The following MYO1F variants were observed in gnomAD, a reference collection of about 807,000 sequenced individuals.
MYO1F encodes myosin IF.
A neutral mutation model predicts 146.6 loss-of-function variants in MYO1F; 60 were observed. The observed-to-expected ratio is 0.41, with a 90% CI of 0.33 to 0.51. MYO1F has a LOEUF of 0.51. Among genes scored for constraint, MYO1F ranks in the 20% least tolerant of loss-of-function variants. The probability of loss-of-function intolerance (pLI) is 0.25; values close to 1 mark genes in which losing one functional copy is unlikely to be tolerated. For missense variants in MYO1F, 1,274 were observed against 1,534.3 expected, an observed-to-expected ratio of 0.83 and a Z score of 2.83; for synonymous variants, 602 against 602.1, an observed-to-expected ratio of 1.00 and a Z score of 0.00.
At chr19:8,526,748 G>T (rs371493415) in intron 23 of MYO1F, 41 bp downstream of exon 23, 451 of 1,573,310 alleles carry the variant, frequency 2.9e-4, no homozygotes, top group Non-Finnish European at 3.7e-4. Flanking sequence ...GCGCCGCGCC[G>T]AGACCACCCC....
At chr19:8,576,173 T>C (rs547082756) in intron 1 of MYO1F, among the ~76,000 whole-genome samples, 323 of 152,188 alleles carry the variant, frequency 2.1e-3, no homozygotes, top group Non-Finnish European at 3.9e-3. Flanking sequence ...ATTTTTTGTA[T>C]TTTTTAGTAG....
intron 1 of MYO1F, among the ~76,000 whole-genome samples, chr19:8,562,191 C>G (rs572832100): frequency 6.7e-6 from 1 of 148,870 alleles, no homozygotes; most frequent in African/African-American, 2.6e-5. Flanking sequence ...TTAGTGGAGA[C>G]GAGGTTTCAC....
At chr19:8,522,575 C>G in intron 26 of MYO1F, 29 bp from the exon 27 acceptor site, 1 of 1,607,852 alleles carries the variant, frequency 6.2e-7, no homozygotes, top group Non-Finnish European at 8.5e-7. Flanking sequence ...TGAGTCACAG[C>G]CCCAGACACT....
At chr19:8,576,528 C>T (rs1345420904) in intron 1 of MYO1F, 2 of 153,586 alleles carry the variant, frequency 1.3e-5, no homozygotes, top group African/African-American at 4.8e-5. Flanking sequence ...CCACCTCTTA[C>T]TTTGCGTCTT....
chr19:8,559,675 C>T lies in MYO1F; in HGVS notation c.4-3879G>A, dbSNP rs533079893. 3.5e-4 allele frequency among the ~76,000 whole-genome samples: 54 copies of T among 152,124 alleles called. No individual in the cohort carries two copies. In the South Asian group the frequency reaches 1.0e-2, roughly 28 times the overall value. On this transcript the variant is annotated intron_variant, in intron 1 of 27. Coordinates refer to ENST00000644032, the MANE Select transcript of MYO1F (RefSeq NM_012335.4). The stretch of plus-strand genomic sequence containing the variant: ...ATTTGAAAGAATTAACACGACCGGG[C>T]GCGGTGGCTCACACCTGCAATCCCA...
chr19:8,548,202 A>T (rs1973452398), intron 11 of MYO1F, 35 bp downstream of exon 11: 1 of 1,612,456 alleles, frequency 6.2e-7, no homozygotes, highest in African/African-American at 1.3e-5. Context: ...TGCCCCAGGG[A>T]GGACAGGATG....
chr19:8,554,352 G>T, intron 4 of MYO1F, 125 bp downstream of exon 4: 1 of 819,128 alleles, frequency 1.2e-6, no homozygotes. Context: ...AAAACAGAGT[G>T]AGGGCAGAGA....
Position 8,530,689 on chromosome 19 carries a change from A to G in MYO1F, c.2044-116T>C. On this transcript the variant is annotated intron_variant, in intron 19 of 27. Coordinates refer to ENST00000644032, the MANE Select transcript of MYO1F (RefSeq NM_012335.4). The surrounding 1 kb of genome is among the most constrained non-coding windows in gnomAD (Gnocchi z 5.8). ...CGCTTTTGCTCACCCATCCCCACACATGTGCTAATTTTTTTAAGAGGCGGG... is the reference window on the plus strand; with the variant it reads ...CGCTTTTGCTCACCCATCCCCACACGTGTGCTAATTTTTTTAAGAGGCGGG... 1.2e-6 allele frequency: 1 copy of G among 809,802 alleles called. No individual in the cohort carries two copies. Among genetic ancestry groups the G allele is most frequent in the South Asian group, 1.4e-5 (1 of 71,160 alleles). The allele number at this position is 809,802 out of a possible 1,614,324, so 50.2% of individuals were successfully genotyped here.
In MYO1F at chr19:8,532,843, G is replaced by A. The variant is rs1465188344; in HGVS notation, c.2044-2270C>T. Among the ~76,000 whole-genome samples, 12 of 149,616 alleles carry A rather than the reference G, an allele frequency of 8.0e-5. 1 individual carries two copies. The highest frequency in any genetic ancestry group is 6.7e-4 in the Admixed American group (10 of 14,838). ...GTTGAGGCTGCAGTGAGCTGTGATT[G>A]TGCGACTGCACTCCAGCCTGGGAGA... On this transcript the variant is annotated intron_variant, in intron 19 of 27. Coordinates refer to ENST00000644032, the MANE Select transcript of MYO1F (RefSeq NM_012335.4).
chr19:8,553,996 G>A lies in MYO1F; in HGVS notation c.326+481C>T, dbSNP rs548385465. On this transcript the variant is annotated intron_variant, in intron 4 of 27. Transcript: ENST00000644032. ...GACTGAGATGGGGTCTCACTCTGTT[G>A]CCCAGGCTGGAGTGCAGTGGTGTGA... is the stretch of plus-strand genomic sequence containing the variant. Among the ~76,000 whole-genome samples the A allele has an allele frequency of 4.0e-5, 6 of 151,484 alleles. No homozygotes were observed. In the East Asian group the frequency reaches 5.9e-4, roughly 15 times the overall value.
intron 12 of MYO1F, 133 bp downstream of exon 12, chr19:8,547,903 G>C (rs1973435062): frequency 2.5e-6 from 2 of 796,902 alleles, no homozygotes; most frequent in African/African-American, 3.4e-5. Flanking sequence ...ATGGAGCCTG[G>C]GTAGGTTGGC....
intron 1 of MYO1F, among the ~76,000 whole-genome samples, chr19:8,556,069 G>A (rs1162937924): frequency 2.0e-5 from 3 of 151,220 alleles, no homozygotes; most frequent in Non-Finnish European, 4.4e-5. Context: ...CACTCTGTCA[G>A]TCAGGCTGGG....
chr19:8,555,376 C>CAAA lies in MYO1F; in HGVS notation c.141+280_141+282dup, dbSNP rs886749061. 360 of 100,196 alleles carry CAAA rather than the reference C, an allele frequency of 3.6e-3. 1 individual carries two copies. The highest frequency in any genetic ancestry group is 4.6e-3 in the South Asian group (70 of 15,252). The allele number at this position is 100,196 out of a possible 1,614,324, so 6.2% of individuals were successfully genotyped here. A position where few individuals can be genotyped will look rare whatever the true frequency, so the allele number is the denominator to read the frequency against. Reference sequence around the variant, plus strand: ...TGGGCGACAGAGCAAGACTCCGTCTCAAAAAAAAAAAAAAAAAAAAAAAAA... The same window carrying CAAA: ...TGGGCGACAGAGCAAGACTCCGTCTCAAAAAAAAAAAAAAAAAAAAAAAAAAAA... On this transcript the variant is annotated intron_variant, in intron 2 of 27. Coordinates refer to ENST00000644032, the MANE Select transcript of MYO1F (RefSeq NM_012335.4).
chr19:8,555,794 GC>G lies in MYO1F; in HGVS notation c.5del (p.Gly2AlafsTer13), dbSNP rs778747696. 6.2e-7 allele frequency: 1 copy of G among 1,611,912 alleles called. No homozygotes were observed. Among genetic ancestry groups the G allele is most frequent in the Non-Finnish European group, 8.5e-7 (1 of 1,179,174 alleles). On this transcript the variant is annotated frameshift_variant and splice_region_variant, in exon 2 of 28. Coordinates refer to ENST00000644032, the MANE Select transcript of MYO1F (RefSeq NM_012335.4). LOFTEE classifies it high-confidence loss of function. M[G>X]SKERFHWQSH... is the part of the protein sequence containing the mutation. ...TCTGCCAGTGGAAGCGCTCCTTGCT[GC>G]CCTGGGGGGTGAGAGGGGGGTCGGG...
At chr19:8,538,487 G>A (rs1972823233) in intron 16 of MYO1F, among the ~76,000 whole-genome samples, 1 of 151,564 alleles carries the variant, frequency 6.6e-6, no homozygotes, top group Non-Finnish European at 1.5e-5. Context: ...TCACCATGTT[G>A]GCCAGGCTGG....
At chr19:8,529,142 G>A (rs935058429) in intron 21 of MYO1F, among the ~76,000 whole-genome samples, 15 of 152,098 alleles carry the variant, frequency 9.9e-5, no homozygotes, top group African/African-American at 3.6e-4. Flanking sequence ...ACTTGTCCAA[G>A]GTAGGTGAGG....
intron 4 of MYO1F, 71 bp from the exon 5 acceptor site, chr19:8,553,508 C>T: frequency 1.6e-6 from 2 of 1,214,328 alleles, no homozygotes; most frequent in South Asian, 1.2e-5. Context: ...ACCATTCATT[C>T]ATTGAGCACC....
intron 14 of MYO1F, 124 bp downstream of exon 14, chr19:8,544,173 T>G: frequency 9.5e-7 from 1 of 1,057,520 alleles, no homozygotes; most frequent in South Asian, 1.3e-5. Context: ...AGTGGAATTC[T>G]ACAGCCCTGG....
chr19:8,524,066 C>T (rs1972165411), intron 25 of MYO1F, among the ~76,000 whole-genome samples: 1 of 127,806 alleles, frequency 7.8e-6, no homozygotes, highest in Admixed American at 9.8e-5. Context: ...TTACAGTGAG[C>T]CAAGATCACG....
Sources: gnomAD v4.1 joint callset for allele counts (sites outside exome capture counted in the v4.1 genomes callset) on GRCh38, gnomAD v4.1.1 for gene constraint, Gnocchi (gnomAD v3.1) non-coding constraint, MANE v1.5 for transcripts, NCBI Gene and HGNC (gene_info 2026-07-23, HGNC 2026-07-21) for gene names.